Variants in PHF24 observed in about 807,000 individuals in gnomAD.
PHF24 encodes the protein PHD finger protein 24, also known as Galpha inhibitory interacting protein.
In PHF24, 25 loss-of-function variants were observed where a neutral mutation model predicts 42.6. The ratio of observed to expected loss-of-function variants is 0.59; its 90% CI spans 0.43 to 0.82. PHF24 has a LOEUF of 0.82. Ranked by LOEUF, PHF24 falls within the 40% of genes least tolerant of loss-of-function variation. PHF24 has a pLI of 0.00. For missense variants in PHF24, 470 were observed against 538.1 expected, an observed-to-expected ratio of 0.87 and a Z score of 1.25; for synonymous variants, 185 against 204.8, an observed-to-expected ratio of 0.90 and a Z score of 0.83.
the PHF24 span, among the ~76,000 whole-genome samples, chr9:34,770,022 A>G: frequency 6.6e-6 from 1 of 152,202 alleles, no homozygotes; most frequent in Non-Finnish European, 1.5e-5. Flanking sequence ...AAGACTTTTT[A>G]GTTAAGACAA....
chr9:34,929,170 C>A, the PHF24 span, among the ~76,000 whole-genome samples: 1 of 152,228 alleles, frequency 6.6e-6, no homozygotes, highest in African/African-American at 2.4e-5. Flanking sequence ...CATCCCACCT[C>A]CATACTCCCA....
the PHF24 span, among the ~76,000 whole-genome samples, chr9:34,800,246 A>G: frequency 6.6e-6 from 1 of 152,216 alleles, no homozygotes; most frequent in Admixed American, 6.5e-5. Flanking sequence ...GTGTGAGGTA[A>G]TGAAGATCTG....
chr9:34,726,441 T>C, the PHF24 span: 8 of 1,550,670 alleles, frequency 5.2e-6, no homozygotes, highest in Non-Finnish European at 7.0e-6. Flanking sequence ...CGGTTCAGGG[T>C]TTCTGGGTTC....
chr9:34,779,708 C>T, the PHF24 span, among the ~76,000 whole-genome samples: 1 of 152,128 alleles, frequency 6.6e-6, no homozygotes, highest in South Asian at 2.1e-4. Flanking sequence ...TAAACTCTCA[C>T]ATATATGGTC....
the PHF24 span, among the ~76,000 whole-genome samples, chr9:34,679,740 C>T: frequency 1.8e-4 from 28 of 151,986 alleles, no homozygotes; most frequent in African/African-American, 5.8e-4. Context: ...GTGGAGAGGA[C>T]CATGTGCCAG....
At chr9:34,813,827 A>G in the PHF24 span, among the ~76,000 whole-genome samples, 1 of 152,208 alleles carries the variant, frequency 6.6e-6, no homozygotes, top group African/African-American at 2.4e-5. Context: ...AGAAGATGGG[A>G]TTACACAAAG....
the PHF24 span, among the ~76,000 whole-genome samples, chr9:34,750,789 AG>A: frequency 4.6e-5 from 7 of 152,106 alleles, no homozygotes; most frequent in Non-Finnish European, 7.4e-5. Flanking sequence ...AAGGGAAAAA[AG>A]GAAGACAATA....
the PHF24 span, among the ~76,000 whole-genome samples, chr9:34,766,431 C>G: frequency 6.6e-6 from 1 of 152,180 alleles, no homozygotes; most frequent in Non-Finnish European, 1.5e-5. Flanking sequence ...AACTTCCCTT[C>G]TCGCTTCATT....
the PHF24 span, among the ~76,000 whole-genome samples, chr9:34,864,533 A>G: frequency 2.0e-5 from 3 of 152,216 alleles, no homozygotes; most frequent in Non-Finnish European, 2.9e-5. Flanking sequence ...TTACCCTAGA[A>G]TAGAATAGCT....
upstream of PHF24, among the ~76,000 whole-genome samples, chr9:34,957,887 G>GC (rs1341529932): frequency 6.6e-6 from 1 of 151,056 alleles, no homozygotes; most frequent in Non-Finnish European, 1.5e-5. Flanking sequence ...CCCCCAAGGC[G>GC]CCCCCTCCGG....
At chr9:34,695,133 T>C in the PHF24 span, among the ~76,000 whole-genome samples, 1 of 152,170 alleles carries the variant, frequency 6.6e-6, no homozygotes, top group Non-Finnish European at 1.5e-5. Context: ...CATTCTGTAG[T>C]GGTGGGGAGT....
At chr9:34,908,884 G>A in the PHF24 span, among the ~76,000 whole-genome samples, 3 of 138,104 alleles carry the variant, frequency 2.2e-5, no homozygotes, top group East Asian at 6.2e-4. Context: ...GTCTCACGTC[G>A]TCGCCTGGGC....
At chr9:34,759,738 A>T in the PHF24 span, among the ~76,000 whole-genome samples, 1 of 152,068 alleles carries the variant, frequency 6.6e-6, no homozygotes, top group East Asian at 1.9e-4. Flanking sequence ...CCGGTGCACT[A>T]CTTACCTCAC....
the PHF24 span, among the ~76,000 whole-genome samples, chr9:34,673,383 A>G: frequency 6.6e-6 from 1 of 151,442 alleles, no homozygotes; most frequent in South Asian, 2.1e-4. Flanking sequence ...GAATTGAGGT[A>G]AGAGAAGGAG....
At chr9:34,886,517 G>A in the PHF24 span, among the ~76,000 whole-genome samples, 1 of 152,108 alleles carries the variant, frequency 6.6e-6, no homozygotes, top group Admixed American at 6.6e-5. Context: ...CATTCCATTG[G>A]TCACCTTCTC....
At chr9:34,911,029 G>C in the PHF24 span, among the ~76,000 whole-genome samples, 1 of 151,836 alleles carries the variant, frequency 6.6e-6, no homozygotes, top group African/African-American at 2.4e-5. Context: ...TCATTATGTT[G>C]CTCAGACTAG....
the PHF24 span, among the ~76,000 whole-genome samples, chr9:34,751,141 GA>G: frequency 6.6e-6 from 1 of 152,180 alleles, no homozygotes; most frequent in Non-Finnish European, 1.5e-5. Context: ...GAGGAGGGTG[GA>G]TCACCTGATG....
the PHF24 span, among the ~76,000 whole-genome samples, chr9:34,942,904 A>G: frequency 1.3e-5 from 2 of 152,220 alleles, no homozygotes; most frequent in African/African-American, 2.4e-5. Flanking sequence ...AATGTAAATG[A>G]CGAGTTAATG....
chr9:34,921,670 A>G, the PHF24 span, among the ~76,000 whole-genome samples: 1 of 152,220 alleles, frequency 6.6e-6, no homozygotes, highest in Non-Finnish European at 1.5e-5. Context: ...AGTCAAGGGT[A>G]TGCACATTGA....
Sources: allele counts gnomAD v4.1 joint callset (sites outside exome capture counted in the v4.1 genomes callset), GRCh38; gene constraint gnomAD v4.1.1; transcripts MANE v1.5; gene names NCBI Gene and HGNC (gene_info 2026-07-23, HGNC 2026-07-21).